Variants in IL4I1 observed in about 807,000 individuals in gnomAD.
IL4I1 encodes interleukin 4 induced 1, also known as L-amino-acid oxidase.
In IL4I1, 24 loss-of-function variants were observed where a neutral mutation model predicts 29.7. The observed-to-expected ratio is 0.81, with a 90% CI of 0.59 to 1.14. IL4I1 has a LOEUF of 1.14. Among genes scored for constraint, IL4I1 ranks in the 50% most tolerant of loss-of-function variants. IL4I1 has a pLI of 0.00. For synonymous variants in IL4I1, 371 were observed against 352.5 expected, an observed-to-expected ratio of 1.05 and a Z score of -0.59; for missense variants, 686 against 785.6, an observed-to-expected ratio of 0.87 and a Z score of 1.52.
At chr19:49,895,712 CACCT>C in intron 3 of IL4I1, 99 bp downstream of exon 3, 1 of 926,908 alleles carries the variant, frequency 1.1e-6, no homozygotes, top group Non-Finnish European at 1.6e-6. Flanking sequence ...CCCACATCCC[CACCT>C]CCACCCCCTC....
chr19:49,891,347 A>C, intron 6 of IL4I1, 58 bp downstream of exon 6: 1 of 1,565,172 alleles, frequency 6.4e-7, no homozygotes, highest in Admixed American at 1.7e-5. Context: ...TCTCTGGGGA[A>C]GGCCTCATGG....
upstream of IL4I1, among the ~76,000 whole-genome samples, chr19:49,898,930 A>C (rs913290485): frequency 1.3e-5 from 2 of 152,256 alleles, no homozygotes; most frequent in African/African-American, 2.4e-5. Context: ...TAGTTGAGGA[A>C]ACTGAGGCTT....
In IL4I1 at chr19:49,908,150, T is replaced by C. The variant is rs2075364759; in HGVS notation, c.-227-3829A>G. 6 of 1,548,184 alleles carry C rather than the reference T, an allele frequency of 3.9e-6. No individual in the cohort carries two copies. In the Admixed American group the frequency reaches 1.2e-4, roughly 30 times the overall value. On this transcript the variant is annotated intron_variant, in intron 2 of 9. Transcript: ENST00000341114. The stretch of plus-strand genomic sequence containing the variant: ...TGAAAGAAAGAAACAAACAAACAAG[T>C]ATCTTGCCACAACCCCAAACTACAG...
chr19:49,890,703 G>A, intron 7 of IL4I1, 103 bp from the exon 8 acceptor site: 3 of 1,064,006 alleles, frequency 2.8e-6, no homozygotes, highest in Non-Finnish European at 3.9e-6. Context: ...ATGGGCACCG[G>A]CCCGCTCCCC....
At chr19:49,906,436 C>T (rs1248435090) in intron 2 of IL4I1, among the ~76,000 whole-genome samples, 1 of 151,892 alleles carries the variant, frequency 6.6e-6, no homozygotes, top group Non-Finnish European at 1.5e-5. Context: ...GGTCTTGAAT[C>T]CCTGACCTCA....
At chr19:49,924,072 G>A (rs907525193) in intron 2 of IL4I1, among the ~76,000 whole-genome samples, 1 of 152,218 alleles carries the variant, frequency 6.6e-6, no homozygotes, top group African/African-American at 2.4e-5. Flanking sequence ...GGAATCGATA[G>A]CGTCTGGCAA....
At chr19:49,898,317 T>C (rs539458421), upstream of IL4I1, among the ~76,000 whole-genome samples, 1 of 151,964 alleles carries the variant, frequency 6.6e-6, no homozygotes, top group East Asian at 1.9e-4. Flanking sequence ...CCAGACTCCA[T>C]CTCAAAAAAT....
chr19:49,912,020 A>C (rs1204428111), intron 2 of IL4I1, among the ~76,000 whole-genome samples: 1 of 152,234 alleles, frequency 6.6e-6, no homozygotes, highest in Non-Finnish European at 1.5e-5. Context: ...CTCAGTTCTC[A>C]AGAACTCAGC....
rs147327116 is a variant in IL4I1 at position 49,894,346 on chromosome 19, G to A, written c.489C>T (p.Pro163=). 114 of 1,614,066 alleles carry A rather than the reference G, an allele frequency of 7.1e-5. No homozygotes were observed. The Middle Eastern group carries it at 1.5e-3, about 21-fold the overall frequency. ...KLRNYVVEKV[P]EKLGYALRPQ... ...GACGCAAGGCGTAGCCCAGCTTCTC[G>A]GGCACCTTCTCCACCACATAGTTGC... is the stretch of plus-strand genomic sequence containing the variant. The change falls in exon 5 of 8, where the codon CCC becomes CCT. Residue 163 remains proline, a synonymous_variant. Coordinates refer to ENST00000391826, the MANE Select transcript of IL4I1 (RefSeq NM_152899.2).
intron 2 of IL4I1, chr19:49,911,237 G>A (rs755090094): frequency 4.6e-5 from 7 of 152,284 alleles, no homozygotes; most frequent in African/African-American, 7.2e-5. Context: ...ACTGACTGGA[G>A]AAGGGAAGAA....
intron 2 of IL4I1, chr19:49,907,424 G>A: frequency 2.5e-6 from 1 of 396,536 alleles, no homozygotes; most frequent in Non-Finnish European, 4.8e-6. Flanking sequence ...TGAAATTCTT[G>A]ATCCCGCTCT....
At chr19:49,901,684 T>C (rs976894952), upstream of IL4I1, 7 of 1,538,648 alleles carry the variant, frequency 4.5e-6, no homozygotes, top group Non-Finnish European at 6.1e-6. Context: ...ATGGCCTTTA[T>C]GGTTAGCCCA....
rs1033232930 is a variant in IL4I1, at chr19:49,894,605, G to C, written c.366-136C>G. ...AGGCTGGGGGTGGGGCTAGATTTGG[G>C]GTAATCAATGCTGGGGGATGGGAAT... On this transcript the variant is annotated intron_variant, in intron 4 of 7. Coordinates refer to ENST00000391826, the MANE Select transcript of IL4I1 (RefSeq NM_152899.2). 4.5e-6 allele frequency: 3 copies of C among 669,424 alleles called. No homozygotes were observed. In the African/African-American group the frequency reaches 5.3e-5, roughly 12 times the overall value. The allele number at this position is 669,424 out of a possible 1,614,324, so 41.5% of individuals were successfully genotyped here. A position where few individuals can be genotyped will look rare whatever the true frequency, so the allele number is the denominator to read the frequency against.
At chr19:49,908,797 G>C in intron 2 of IL4I1, 1 of 1,613,726 alleles carries the variant, frequency 6.2e-7, no homozygotes, top group Non-Finnish European at 8.5e-7. Context: ...TCCATTTGTT[G>C]ATCAGGCTCT....
At chr19:49,895,737 G>T in intron 3 of IL4I1, 78 bp downstream of exon 3, 1 of 689,004 alleles carries the variant, frequency 1.5e-6, no homozygotes, top group Non-Finnish European at 2.5e-6. Flanking sequence ...AAGGAGGAAC[G>T]CGGCCGTGTC....
At chr19:49,914,233 G>A (rs17668162) in intron 2 of IL4I1, among the ~76,000 whole-genome samples, 22,835 of 152,226 alleles carry the variant, frequency 0.15, 2,312 homozygotes, top group Non-Finnish European at 0.23. Flanking sequence ...CTCTGATCCC[G>A]GAATTACCAC....
chr19:49,892,272 G>A (rs916047844), intron 5 of IL4I1, among the ~76,000 whole-genome samples: 1 of 151,918 alleles, frequency 6.6e-6, no homozygotes, highest in Non-Finnish European at 1.5e-5. Flanking sequence ...AGTAGAGACA[G>A]GGTTTCATCA....
Position 49,890,929 on chromosome 19 carries a change from G to GACCC in IL4I1, c.773+41_773+42insGGGT. The GACCC allele has an allele frequency of 3.1e-5, 14 of 454,452 alleles. 1 individual carries two copies. The highest frequency in any genetic ancestry group is 1.0e-4 in the South Asian group (3 of 28,994). The allele number at this position is 454,452 out of a possible 1,614,324, so 28.2% of individuals were successfully genotyped here. On this transcript the variant is annotated intron_variant, in intron 7 of 7. Transcript: ENST00000391826. ...CCACTCCCTGCTACTTTCCCTGATT[G>GACCC]CCCCCCGCCCCCCCCCCCTGCCCGC...
intron 2 of IL4I1, chr19:49,910,025 C>G: frequency 1.6e-6 from 1 of 632,862 alleles, no homozygotes; most frequent in Non-Finnish European, 2.9e-6. Context: ...TCTGCTACAT[C>G]GAGAAGGATC....
Sources: allele counts gnomAD v4.1 joint callset (sites outside exome capture counted in the v4.1 genomes callset), GRCh38; gene constraint gnomAD v4.1.1; transcripts MANE v1.5; gene names NCBI Gene and HGNC (gene_info 2026-07-23, HGNC 2026-07-21).